The following FAT2 variants were observed in gnomAD, a reference collection of about 807,000 sequenced individuals.
The protein encoded by FAT2 is protocadherin Fat 2.
In FAT2, 150 loss-of-function variants were observed where a neutral mutation model predicts 295.3. The observed-to-expected ratio is 0.51, with a 90% CI of 0.44 to 0.58. FAT2 has a LOEUF of 0.58. FAT2 is among the 20% of genes least tolerant of loss of function. The pLI is 0.00. For missense variants in FAT2, 4,868 were observed against 5,442.7 expected (o/e 0.89, Z 3.32); for synonymous variants, 2,026 against 2,150.3 (o/e 0.94, Z 1.60).
At chr5:151,563,959 T>C (rs1188327645) in intron 2 of FAT2, among the ~76,000 whole-genome samples, 1 of 152,252 alleles carries the variant, frequency 6.6e-6, no homozygotes, top group Non-Finnish European at 1.5e-5. Context: ...TAAACCCAAA[T>C]TCCATTGATC....
chr5:151,542,799 A>C lies in FAT2; in HGVS notation c.8328T>G (p.Asp2776Glu), dbSNP rs1477119112. Reference protein sequence around the residue: ...DVMAHCLQNTDVVSLVSVNIQ... With the variant: ...DVMAHCLQNTEVVSLVSVNIQ... Reference sequence around the variant, plus strand: ...TGTTGACAGAGACCAAGGACACCACATCAGTGTTCTGAAGGCAATGTGCCA... The same window carrying C: ...TGTTGACAGAGACCAAGGACACCACCTCAGTGTTCTGAAGGCAATGTGCCA... Residue 2776 changes from aspartate (D) to glutamate (E), a missense_variant, in exon 10 of 24, where the codon GAT (aspartate) becomes GAG (glutamate). Transcript: ENST00000261800. The C allele has an allele frequency of 3.1e-6, 5 of 1,614,070 alleles. No homozygotes were observed. Among genetic ancestry groups the C allele is most frequent in the Non-Finnish European group, 4.2e-6 (5 of 1,180,052 alleles).
chr5:151,565,630 C>G (rs765299405), intron 2 of FAT2, 43 bp downstream of exon 2: 1 of 1,512,124 alleles, frequency 6.6e-7, no homozygotes, highest in Non-Finnish European at 8.9e-7. Context: ...TTCAGCCCAT[C>G]TACCTCTGGC....
chr5:151,530,500 T>C (rs750041427), intron 14 of FAT2, among the ~76,000 whole-genome samples: 17 of 152,210 alleles, frequency 1.1e-4, no homozygotes, highest in Non-Finnish European at 2.2e-4. Flanking sequence ...ATTAAATAAA[T>C]GGCAGGGGGA....
At position 151,504,736 on chromosome 5, in the gene FAT2, T is replaced by C. The variant is rs1051870762; in HGVS notation, c.*829A>G. The C allele has an allele frequency of 1.3e-5, 2 of 152,658 alleles. No homozygotes were observed. The highest frequency in any genetic ancestry group is 2.9e-5 in the Non-Finnish European group (2 of 68,048). The allele number at this position is 152,658 out of a possible 1,614,324, so 9.5% of individuals were successfully genotyped here. On this transcript the variant is annotated 3_prime_UTR_variant, in exon 24 of 24. Transcript: ENST00000261800. ...CTTCCTTCCTTTGGCCAAAAGTGCCTGGGAAACTTGGGATGAAGAACCCAG... is the reference window on the plus strand; with the variant it reads ...CTTCCTTCCTTTGGCCAAAAGTGCCCGGGAAACTTGGGATGAAGAACCCAG...
rs1223728743 is a variant in FAT2 at position 151,531,771 on chromosome 5, C to T, written c.9627G>A (p.Val3209=). The change falls in exon 14 of 24, where the codon GTG becomes GTA. Residue 3209 remains valine, a synonymous_variant. Coordinates refer to ENST00000261800, the MANE Select transcript of FAT2 (RefSeq NM_001447.3). The surrounding 1 kb of genome is among the most constrained non-coding windows in gnomAD (Gnocchi z 5.7). ...ACACGGGCAGGTAGTCTTCTAGGCC[C>T]ACCACCGAGACTGTGACGGTGCCCA... ...STLGTVTVSV[V]GLEDYLPVFL... is the part of the protein sequence containing the mutation. 2.5e-6 allele frequency: 4 copies of T among 1,587,756 alleles called. No homozygotes were observed. Among genetic ancestry groups the T allele is most frequent in the Non-Finnish European group, 3.4e-6 (4 of 1,168,578 alleles).
chr5:151,531,464 A>G lies in FAT2; in HGVS notation c.9811+123T>C. On this transcript the variant is annotated intron_variant, in intron 14 of 23. Transcript: ENST00000261800. This position sits in a 1 kb window ranked among gnomAD's most constrained non-coding sequence, Gnocchi z 5.7. ...GAGAGAAGCAGAAGAGAATGGAGAA[A>G]CGACCAGAGGAGGTCTGCTCTGGGA... The G allele has an allele frequency of 7.6e-7, 1 of 1,312,124 alleles. No homozygotes were observed. The highest frequency in any genetic ancestry group is 1.0e-6 in the Non-Finnish European group (1 of 962,814). The allele number at this position is 1,312,124 out of a possible 1,614,324, so 81.3% of individuals were successfully genotyped here. A position where few individuals can be genotyped will look rare whatever the true frequency, so the allele number is the denominator to read the frequency against.
In FAT2 at chr5:151,567,915, G is replaced by A. The variant is rs368178113; in HGVS notation, c.1017C>T (p.Ser339=). The change falls in exon 2 of 24, where the codon AGC becomes AGT. Residue 339 remains serine, a synonymous_variant. Coordinates refer to ENST00000261800, the MANE Select transcript of FAT2 (RefSeq NM_001447.3). ...TGATCTGGGAATAAAAATAAGGGCC[G>A]CTCCCACTCCTGGCCTGGAGGCTGA... ...FNLSLQARSG[S]GPYFYSQIRG... 3.6e-5 allele frequency: 58 copies of A among 1,613,918 alleles called. No homozygotes were observed. The highest frequency in any genetic ancestry group is 1.6e-4 in the Middle Eastern group (1 of 6,084).
chr5:151,555,556 G>C (rs1289858115), intron 4 of FAT2, among the ~76,000 whole-genome samples: 2 of 151,674 alleles, frequency 1.3e-5, no homozygotes, highest in African/African-American at 4.8e-5. Context: ...TTTTAGTACA[G>C]ATGGGGTTTC....
In FAT2 at chr5:151,531,870, C is replaced by T. The variant is rs561648946; in HGVS notation, c.9528G>A (p.Gln3176=). ...TGVIRLEKPL[Q]VRPQAPLELT... ...GCTCCAGTGGTGCCTGGGGCCTGAC[C>T]TGCAGCGGCTTTTCCAGGCGGATCA... Residue 3176 remains glutamine, a synonymous_variant, in exon 14 of 24, where the codon CAG becomes CAA. Coordinates refer to ENST00000261800, the MANE Select transcript of FAT2 (RefSeq NM_001447.3). This position sits in a 1 kb window ranked among gnomAD's most constrained non-coding sequence, Gnocchi z 5.7. 4.4e-5 allele frequency: 71 copies of T among 1,614,030 alleles called. No individual in the cohort carries two copies. Among genetic ancestry groups the T allele is most frequent in the Non-Finnish European group, 6.8e-6 (8 of 1,180,032 alleles).
intron 3 of FAT2, among the ~76,000 whole-genome samples, chr5:151,559,870 C>T (rs56846410): frequency 0.045 from 6,807 of 152,142 alleles, 361 homozygotes; most frequent in African/African-American, 0.13. Flanking sequence ...AGAATGGGGA[C>T]ATAGCAGAAC....
At chr5:151,555,601 C>T (rs1343380159) in intron 4 of FAT2, among the ~76,000 whole-genome samples, 2 of 151,842 alleles carry the variant, frequency 1.3e-5, no homozygotes, top group Non-Finnish European at 2.9e-5. Context: ...AACTCCTAAC[C>T]CCAAGTGATC....
Position 151,545,881 on chromosome 5 carries a change from A to C in FAT2, c.5246T>G (p.Ile1749Ser). The C allele has an allele frequency of 6.2e-7, 1 of 1,614,214 alleles. No homozygotes were observed. The highest frequency in any genetic ancestry group is 8.5e-7 in the Non-Finnish European group (1 of 1,180,042). Residue 1749 changes from isoleucine (I) to serine (S), a missense_variant, in exon 10 of 24, where the codon ATT becomes AGT. Physicochemically the swap from Ile to Ser is moderately radical, Grantham distance 142 (BLOSUM62 -2). Coordinates refer to ENST00000261800, the MANE Select transcript of FAT2 (RefSeq NM_001447.3). ...FTDVMVVVDI[I>S]DENDNAPMFL... ...CATAGGAGCATTGTCATTTTCATCA[A>C]TTATGTCAACCACCACCATGACATC...
In FAT2 at chr5:151,563,694, G is replaced by C. The variant is rs888101259; in HGVS notation, c.3260-55C>G. On this transcript the variant is annotated intron_variant, in intron 2 of 23. Coordinates refer to ENST00000261800, the MANE Select transcript of FAT2 (RefSeq NM_001447.3). Reference sequence around the variant, plus strand: ...TACTTTAGAGCTCAAAGTGGCTTTAGAAATCACCCTTACCCACCATTCCCC... The same window carrying C: ...TACTTTAGAGCTCAAAGTGGCTTTACAAATCACCCTTACCCACCATTCCCC... 58 of 1,483,552 alleles carry C rather than the reference G, an allele frequency of 3.9e-5. No homozygotes were observed. The African/African-American group carries it at 7.6e-4, about 19-fold the overall frequency. The allele number at this position is 1,483,552 out of a possible 1,614,324, so 91.9% of individuals were successfully genotyped here. A position where few individuals can be genotyped will look rare whatever the true frequency, so the allele number is the denominator to read the frequency against.
chr5:151,556,644 T>G (rs1757715302), intron 3 of FAT2, among the ~76,000 whole-genome samples: 1 of 152,210 alleles, frequency 6.6e-6, no homozygotes, highest in Admixed American at 6.5e-5. Context: ...GTTTTTTACT[T>G]TCACTTCAGT....
rs143448074 is a variant in FAT2, at chr5:151,542,610, G to T, written c.8517C>A (p.Asp2839Glu). Residue 2839 changes from aspartate to glutamate, a missense_variant, in exon 10 of 24, where the codon GAC becomes GAA. Around this residue, in one of 5 missense-constraint regions of FAT2, gnomAD observed 3,297 missense variants for 3,669.4 expected, o/e 0.90. Transcript: ENST00000261800. ...DGQVSYRLSA[D>E]PGSNVHELFA... ...AGAGCTCATGGACATTGCTACCAGG[G>T]TCTGCAGACAGCCTGTAGCTCACCT... 5.7e-5 allele frequency: 92 copies of T among 1,614,084 alleles called. No individual in the cohort carries two copies. The highest frequency in any genetic ancestry group is 1.2e-4 in the Admixed American group (7 of 60,000).
At chr5:151,553,078 G>T in intron 6 of FAT2, 99 bp downstream of exon 6, 2 of 1,260,478 alleles carry the variant, frequency 1.6e-6, no homozygotes, top group Non-Finnish European at 2.3e-6. Context: ...CGAGGAGCCC[G>T]ACCTTGAGAA....
At chr5:151,562,825 C>G (rs888631558) in intron 3 of FAT2, among the ~76,000 whole-genome samples, 2 of 152,210 alleles carry the variant, frequency 1.3e-5, no homozygotes, top group Non-Finnish European at 2.9e-5. Context: ...TCCCAGAAGG[C>G]TTTGGGCAGG....
Position 151,512,413 on chromosome 5 carries a change from C to T in FAT2, c.11657G>A (p.Arg3886Lys), listed in dbSNP as rs1470028325. ...GCCCAGCAAGAGGTGCCTTTCGGGC[C>T]TCAGACCACGGCAGTTCTCTGGGAC... ...LVVPENCRGL[R>K]PERHLLLGGL... is the part of the protein sequence containing the mutation. The change falls in exon 21 of 24, where the codon AGG (arginine) becomes AAG (lysine). Residue 3886 changes from arginine (R) to lysine (K), a missense_variant. By Grantham distance (26) the Arg-to-Lys change is conservative. Transcript: ENST00000261800. The surrounding 1 kb of genome is among the most constrained non-coding windows in gnomAD (Gnocchi z 4.1). 1.2e-6 allele frequency: 2 copies of T among 1,614,116 alleles called. No homozygotes were observed. Among genetic ancestry groups the T allele is most frequent in the African/African-American group, 1.3e-5 (1 of 74,934 alleles).
Position 151,537,783 on chromosome 5 carries a change from G to A in FAT2, c.9193+10C>T, listed in dbSNP as rs1487336290. The A allele has an allele frequency of 1.9e-6, 3 of 1,605,620 alleles. No individual in the cohort carries two copies. Among genetic ancestry groups the A allele is most frequent in the South Asian group, 1.1e-5 (1 of 90,058 alleles). ...GTTCTTGTTTTGATCCTGCAGCTCA[G>A]GAAACCCACCTGTATGAGGATCCAG... On this transcript the variant is annotated intron_variant, in intron 12 of 23. Coordinates refer to ENST00000261800, the MANE Select transcript of FAT2 (RefSeq NM_001447.3).
Sources: allele counts gnomAD v4.1 joint callset (sites outside exome capture counted in the v4.1 genomes callset), GRCh38; gene constraint gnomAD v4.1.1; regional missense constraint gnomAD v4.1.1; non-coding constraint Gnocchi (gnomAD v3.1); transcripts MANE v1.5; gene names NCBI Gene and HGNC (gene_info 2026-07-23, HGNC 2026-07-21).